The following DCTN5 variants were observed in gnomAD, a reference collection of about 807,000 sequenced individuals.
DCTN5 encodes the protein dynactin 4.
Under a neutral mutation model 23.5 loss-of-function variants are expected in DCTN5, and 14 were observed. The ratio of observed to expected loss-of-function variants is 0.60; its 90% CI spans 0.39 to 0.93. The LOEUF (loss-of-function observed/expected upper bound fraction) is 0.93, where lower values mean the gene tolerates loss of function less well. Ranked by LOEUF, DCTN5 falls within the 40% of genes least tolerant of loss-of-function variation. DCTN5 has a pLI of 0.00. For missense variants in DCTN5, 156 were observed against 225.9 expected (o/e 0.69, Z 1.98); for synonymous variants, 67 against 79.6 (o/e 0.84, Z 0.84).
At chr16:23,661,348 TG>T in intron 4 of DCTN5, 67 bp downstream of exon 4, 1 of 1,139,426 alleles carries the variant, frequency 8.8e-7, no homozygotes, top group Non-Finnish European at 1.3e-6. Context: ...CTCACTTCGG[TG>T]GGACCCTGTT....
At chr16:23,644,403 C>T (rs1184360281) in intron 2 of DCTN5, among the ~76,000 whole-genome samples, 1 of 151,056 alleles carries the variant, frequency 6.6e-6, no homozygotes, top group African/African-American at 2.4e-5. Flanking sequence ...CAGGCTCACG[C>T]CATTCTCCTG....
At chr16:23,653,759 CAG>C (rs1967647137) in intron 2 of DCTN5, among the ~76,000 whole-genome samples, 1 of 152,194 alleles carries the variant, frequency 6.6e-6, no homozygotes, top group Non-Finnish European at 1.5e-5. Flanking sequence ...ACAGGGTAAA[CAG>C]ACATCCTACA....
intron 2 of DCTN5, among the ~76,000 whole-genome samples, chr16:23,653,074 C>T (rs956684544): frequency 4.6e-5 from 7 of 151,978 alleles, no homozygotes; most frequent in African/African-American, 9.7e-5. Flanking sequence ...CCTGGGAGGT[C>T]GAGGCTGCAG....
rs1959235203 is a variant in DCTN5 at position 23,677,295 on chromosome 16, CAAGGGAG to C, written c.*10153_*10159del. On this transcript the variant is annotated 3_prime_UTR_variant, in exon 6 of 6. Coordinates refer to ENST00000300087, the MANE Select transcript of DCTN5 (RefSeq NM_032486.4). ...TGTTGGCACCCCCCAGCACAGGGCACAAGGGAGACTTGCAGGGTGTTTGTCATGTTCC... is the reference window on the plus strand; with the variant it reads ...TGTTGGCACCCCCCAGCACAGGGCACACTTGCAGGGTGTTTGTCATGTTCC... 6.6e-6 allele frequency: 1 copy of C among 152,146 alleles called. No individual in the cohort carries two copies. Among genetic ancestry groups the C allele is most frequent in the Non-Finnish European group, 1.5e-5 (1 of 68,032 alleles). 9.4% of individuals were successfully genotyped at this position (152,146 alleles called of 1,614,324 possible). A position where few individuals can be genotyped will look rare whatever the true frequency, so the allele number is the denominator to read the frequency against.
chr16:23,667,249 C>T lies in DCTN5; in HGVS notation c.*105C>T, dbSNP rs1314743640. On this transcript the variant is annotated 3_prime_UTR_variant, in exon 6 of 6. Coordinates refer to ENST00000300087, the MANE Select transcript of DCTN5 (RefSeq NM_032486.4). ...GAGCTTTTGTGTCTTTGACATCTAC[C>T]ACCCTCCTCCTTTTAAAAAATTTCT... The T allele has an allele frequency of 7.9e-6, 11 of 1,396,894 alleles. No homozygotes were observed. Among genetic ancestry groups the T allele is most frequent in the Non-Finnish European group, 8.8e-6 (9 of 1,022,102 alleles). 86.5% of individuals were successfully genotyped at this position (1,396,894 alleles called of 1,614,324 possible).
intron 2 of DCTN5, among the ~76,000 whole-genome samples, chr16:23,652,868 C>T (rs1285260696): frequency 2.0e-5 from 3 of 152,146 alleles, no homozygotes; most frequent in African/African-American, 7.2e-5. Context: ...TTTGGCTGGA[C>T]GTGGTGGCCC....
Position 23,675,633 on chromosome 16 carries a change from C to A in DCTN5, c.*8489C>A, listed in dbSNP as rs147481741. The A allele has an allele frequency of 6.6e-6, 1 of 152,158 alleles. No homozygotes were observed. The highest frequency in any genetic ancestry group is 1.9e-4 in the East Asian group (1 of 5,168). 9.4% of individuals were successfully genotyped at this position (152,158 alleles called of 1,614,324 possible). A position where few individuals can be genotyped will look rare whatever the true frequency, so the allele number is the denominator to read the frequency against. ...AATGTTATGATTGCTGAACAGGGCA[C>A]GACTGTTTTTGTAATATTGGAGAAA... is the stretch of plus-strand genomic sequence containing the variant. On this transcript the variant is annotated 3_prime_UTR_variant, in exon 6 of 6. Transcript: ENST00000300087.
Position 23,665,733 on chromosome 16 carries a change from CCT to C in DCTN5, c.451+6_451+7del. On this transcript the variant is annotated splice_donor_region_variant and intron_variant, in intron 5 of 5. Coordinates refer to ENST00000300087, the MANE Select transcript of DCTN5 (RefSeq NM_032486.4). ...CTGTCTTCTCAGGCTGCCCAGGTAA[CCT>C]TGGCTGTTGATTAATTTTATTTTAA... 1 of 1,608,658 alleles carries C rather than the reference CCT, an allele frequency of 6.2e-7. No homozygotes were observed. The highest frequency in any genetic ancestry group is 1.1e-5 in the South Asian group (1 of 90,062).
At chr16:23,644,272 C>A (rs1465136574) in intron 2 of DCTN5, among the ~76,000 whole-genome samples, 1 of 150,904 alleles carries the variant, frequency 6.6e-6, no homozygotes, top group Non-Finnish European at 1.5e-5. Flanking sequence ...GGATTACAGG[C>A]TCCCGCCATC....
intron 2 of DCTN5, chr16:23,657,397 A>G (rs1967725664): frequency 2.9e-6 from 1 of 343,440 alleles, no homozygotes; most frequent in Non-Finnish European, 5.8e-6. Context: ...TCAAGGTTGC[A>G]GTGAGCTATG....
chr16:23,656,350 C>G (rs1004546688), intron 2 of DCTN5, among the ~76,000 whole-genome samples: 2 of 152,220 alleles, frequency 1.3e-5, no homozygotes, highest in African/African-American at 4.8e-5. Context: ...CTCAGGATAT[C>G]TTTTTCCAGT....
At chr16:23,646,795 C>G (rs1184858924) in intron 2 of DCTN5, among the ~76,000 whole-genome samples, 1 of 152,128 alleles carries the variant, frequency 6.6e-6, no homozygotes, top group Non-Finnish European at 1.5e-5. Flanking sequence ...AGGCTGGTCT[C>G]AAACTCCCGA....
In DCTN5 at chr16:23,672,047, G is replaced by A. The variant is rs1224469710; in HGVS notation, c.*4903G>A. The A allele has an allele frequency of 6.6e-6, 1 of 152,182 alleles. No individual in the cohort carries two copies. Among genetic ancestry groups the A allele is most frequent in the Non-Finnish European group, 1.5e-5 (1 of 68,078 alleles). 9.4% of individuals were successfully genotyped at this position (152,182 alleles called of 1,614,324 possible). On this transcript the variant is annotated 3_prime_UTR_variant, in exon 6 of 6. Coordinates refer to ENST00000300087, the MANE Select transcript of DCTN5 (RefSeq NM_032486.4). ...ATTTCAGCTGCATTCATCTCAGTTG[G>A]TGTTGTCTGCTGGCTGCTCTTTCTG... is the stretch of plus-strand genomic sequence containing the variant.
chr16:23,662,318 C>A (rs1056209489), intron 4 of DCTN5, among the ~76,000 whole-genome samples: 2 of 152,064 alleles, frequency 1.3e-5, no homozygotes, highest in Non-Finnish European at 2.9e-5. Context: ...ATTCAGGGTG[C>A]AAGCGGGCCC....
chr16:23,648,039 A>T (rs1967507351), intron 2 of DCTN5, among the ~76,000 whole-genome samples: 2 of 152,226 alleles, frequency 1.3e-5, no homozygotes. Context: ...TGTGTCTTAT[A>T]AATTATTTAT....
rs539207691 is a variant in DCTN5 at position 23,677,021 on chromosome 16, G to A, written c.*9877G>A. On this transcript the variant is annotated 3_prime_UTR_variant, in exon 6 of 6. Coordinates refer to ENST00000300087, the MANE Select transcript of DCTN5 (RefSeq NM_032486.4). ...ACCCTGAACACTGAGTCTGTAATGA[G>A]CTTCCCTTGTATACAACATTGCACA... The A allele has an allele frequency of 2.6e-5, 4 of 152,362 alleles. No homozygotes were observed. In the South Asian group the frequency reaches 8.3e-4, roughly 32 times the overall value. The allele number at this position is 152,362 out of a possible 1,614,324, so 9.4% of individuals were successfully genotyped here. A position where few individuals can be genotyped will look rare whatever the true frequency, so the allele number is the denominator to read the frequency against.
chr16:23,663,540 C>A (rs1029421693), intron 4 of DCTN5, among the ~76,000 whole-genome samples: 4 of 152,010 alleles, frequency 2.6e-5, no homozygotes, highest in African/African-American at 7.2e-5. Context: ...ATGGTGAAAC[C>A]CCGTCTCTAC....
Position 23,645,083 on chromosome 16 carries a change from CTATATATATATATATATATATATA to C in DCTN5, c.117+2092_117+2115del, listed in dbSNP as rs869302728. On this transcript the variant is annotated intron_variant, in intron 2 of 5. Coordinates refer to ENST00000300087, the MANE Select transcript of DCTN5 (RefSeq NM_032486.4). Reference sequence around the variant, plus strand: ...GTGTGAGCCACTGCACCCAGCCTAACTATATATATATATATATATATATATATATATATATATATATATATATAT... The same window carrying C: ...GTGTGAGCCACTGCACCCAGCCTAACTATATATATATATATATATATATAT... Among the ~76,000 whole-genome samples the C allele has an allele frequency of 3.1e-3, 102 of 33,120 alleles. 5 individuals are homozygous for C. The highest frequency in any genetic ancestry group is 0.011 in the African/African-American group (95 of 8,686). The allele number at this position is 33,120 out of a possible 152,430, so 21.7% of individuals were successfully genotyped here.
intron 1 of DCTN5, 83 bp downstream of exon 1, chr16:23,641,673 C>T (rs1967264824): frequency 1.5e-6 from 2 of 1,376,076 alleles, no homozygotes; most frequent in Non-Finnish European, 2.1e-6. Flanking sequence ...CCTGCCCCTA[C>T]CCCACCAACC....
Sources: gnomAD v4.1 joint callset for allele counts (sites outside exome capture counted in the v4.1 genomes callset) on GRCh38, gnomAD v4.1.1 for gene constraint, MANE v1.5 for transcripts, NCBI Gene and HGNC (gene_info 2026-07-23, HGNC 2026-07-21) for gene names.